The following GIT2 variants were observed in gnomAD, a reference collection of about 807,000 sequenced individuals.
The protein encoded by GIT2 is GIT ArfGAP 2, also known as ARF GTPase-activating protein GIT2.
In GIT2, 32 loss-of-function variants were observed where a neutral mutation model predicts 100.3. That is an observed-to-expected ratio of 0.32 (90% CI 0.24 to 0.43). The LOEUF (loss-of-function observed/expected upper bound fraction) is 0.43, where lower values mean the gene tolerates loss of function less well. GIT2 is among the 20% of genes least tolerant of loss of function. The probability of loss-of-function intolerance (pLI) is 1.00; values close to 1 mark genes in which losing one functional copy is unlikely to be tolerated. For missense variants in GIT2, 737 were observed against 975.1 expected, an observed-to-expected ratio of 0.76 and a Z score of 3.25; for synonymous variants, 353 against 364.1, an observed-to-expected ratio of 0.97 and a Z score of 0.35.
intron 18 of GIT2, among the ~76,000 whole-genome samples, chr12:109,936,638 CGG>C (rs1873077797): frequency 6.6e-6 from 1 of 152,080 alleles, no homozygotes; most frequent in Admixed American, 6.5e-5. Flanking sequence ...GAGGCTGAGG[CGG>C]GTAGATCACT....
In GIT2 at chr12:109,945,199, A is replaced by G. The variant is rs113275456; in HGVS notation, c.1731+61T>C. 1,121 of 822,284 alleles carry G rather than the reference A, an allele frequency of 1.4e-3. 6 individuals carry two copies. The African/African-American group carries it at 0.017, about 12-fold the overall frequency. 50.9% of individuals were successfully genotyped at this position (822,284 alleles called of 1,614,324 possible). ...GGGACAGGAGGGCCAGAGCCCAAGCACAAAGCGCCCAGGAGCACGGCCCCT... is the reference window on the plus strand; with the variant it reads ...GGGACAGGAGGGCCAGAGCCCAAGCGCAAAGCGCCCAGGAGCACGGCCCCT... On this transcript the variant is annotated intron_variant, in intron 16 of 19. Coordinates refer to ENST00000355312, the MANE Select transcript of GIT2 (RefSeq NM_057169.5).
At chr12:109,939,690 T>TAAATA (rs1874085289) in intron 16 of GIT2, 1 of 97,280 alleles carries the variant, frequency 1.0e-5, no homozygotes, top group Non-Finnish European at 1.8e-5. Flanking sequence ...ATAAAATAAA[T>TAAATA]AAATAAATAA....
intron 9 of GIT2, among the ~76,000 whole-genome samples, chr12:109,963,261 C>T (rs571817377): frequency 1.8e-4 from 28 of 152,216 alleles, no homozygotes; most frequent in Middle Eastern, 3.4e-3. Context: ...CAAATGTGGT[C>T]GCACTATAAT....
intron 9 of GIT2, among the ~76,000 whole-genome samples, chr12:109,964,620 G>GACACACACACACACACACACAC (rs58007337): frequency 3.4e-5 from 4 of 119,058 alleles, no homozygotes; most frequent in East Asian, 2.9e-4. Flanking sequence ...TTAATCTAAA[G>GACACACACACACACACACACAC]ACACACACAC....
In GIT2 at chr12:109,938,915, A is replaced by G. The variant is rs369928636; in HGVS notation, c.1814+250T>C. ...TGTTGTCTTCATGATGAAGTGGGGT[A>G]ATGACTTTAAACACACTACAGACAG... On this transcript the variant is annotated intron_variant, in intron 17 of 19. Transcript: ENST00000355312. The G allele has an allele frequency of 1.9e-4, 95 of 492,560 alleles. 1 individual carries two copies. The East Asian group carries it at 2.0e-3, about 10-fold the overall frequency. The allele number at this position is 492,560 out of a possible 1,614,324, so 30.5% of individuals were successfully genotyped here.
At chr12:109,965,671 T>G (rs1882156309) in intron 8 of GIT2, 94 bp from the exon 9 acceptor site, 2 of 860,148 alleles carry the variant, frequency 2.3e-6, no homozygotes, top group South Asian at 2.8e-5. Flanking sequence ...AAATATTAAT[T>G]ACAGTTCATG....
chr12:109,944,909 C>A (rs918202543), intron 16 of GIT2, among the ~76,000 whole-genome samples: 2 of 151,700 alleles, frequency 1.3e-5, no homozygotes, highest in Admixed American at 1.3e-4. Context: ...TAGCCCTGAA[C>A]AAATTGAACA....
At chr12:109,982,351 A>G (rs2136800457) in intron 6 of GIT2, 1 of 152,276 alleles carries the variant, frequency 6.6e-6, no homozygotes. Flanking sequence ...CCAATTATCT[A>G]TTTTGGCAAT....
At chr12:109,960,083 C>T (rs960961181) in intron 11 of GIT2, 125 bp from the exon 12 acceptor site, 5 of 671,554 alleles carry the variant, frequency 7.4e-6, no homozygotes, top group South Asian at 1.8e-5. Flanking sequence ...GATCAAAGTA[C>T]AATTAATCCC....
At chr12:109,967,350 G>C (rs1462094584) in intron 8 of GIT2, 108 bp downstream of exon 8, 1 of 1,590,508 alleles carries the variant, frequency 6.3e-7, no homozygotes, top group Admixed American at 1.7e-5. Context: ...CCATAAAAGA[G>C]AAAAATGTAT....
Position 109,947,031 on chromosome 12 carries a change from A to G in GIT2, c.1641+225T>C, listed in dbSNP as rs190857569. 6.6e-6 allele frequency among the ~76,000 whole-genome samples: 1 copy of G among 152,330 alleles called. No homozygotes were observed. The highest frequency in any genetic ancestry group is 1.5e-5 in the Non-Finnish European group (1 of 68,040). Reference sequence around the variant, plus strand: ...GGAGAAAAAAGCAGCAGTTCGGGCAAGAGCCAGAATCCCCAACTTGGTTAG... The same window carrying G: ...GGAGAAAAAAGCAGCAGTTCGGGCAGGAGCCAGAATCCCCAACTTGGTTAG... On this transcript the variant is annotated intron_variant, in intron 15 of 19. Transcript: ENST00000355312. The surrounding 1 kb of genome is among the most constrained non-coding windows in gnomAD (Gnocchi z 4.3).
rs1886994567 is a variant in GIT2, at chr12:109,984,675, G to A, written c.406-981C>T. On this transcript the variant is annotated intron_variant, in intron 4 of 19. Transcript: ENST00000355312. Reference sequence around the variant, plus strand: ...TTGCCCAGGCTGATCTCGAACTTACGAGCTGAAGTGATCCTCCCACCTCGG... The same window carrying A: ...TTGCCCAGGCTGATCTCGAACTTACAAGCTGAAGTGATCCTCCCACCTCGG... Among the ~76,000 whole-genome samples, 8 of 151,988 alleles carry A rather than the reference G, an allele frequency of 5.3e-5. No homozygotes were observed. The South Asian group carries it at 1.2e-3, about 24-fold the overall frequency.
rs1240693572 is a variant in GIT2, at chr12:109,932,951, AAC to A, written c.*25_*26del. Reference sequence around the variant, plus strand: ...AAATTGGACTTTATAAAGCCTAGAAAACAGAGGAGGCGGTGCCCTGCCCTTGT... The same window carrying A: ...AAATTGGACTTTATAAAGCCTAGAAAAGAGGAGGCGGTGCCCTGCCCTTGT... On this transcript the variant is annotated 3_prime_UTR_variant, in exon 20 of 20. Coordinates refer to ENST00000355312, the MANE Select transcript of GIT2 (RefSeq NM_057169.5). 5 of 1,323,874 alleles carry A rather than the reference AAC, an allele frequency of 3.8e-6. No homozygotes were observed. The highest frequency in any genetic ancestry group is 4.4e-6 in the Non-Finnish European group (4 of 916,440). The allele number at this position is 1,323,874 out of a possible 1,614,324, so 82.0% of individuals were successfully genotyped here.
At chr12:109,951,894 T>G (rs1877969056) in intron 13 of GIT2, among the ~76,000 whole-genome samples, 1 of 151,340 alleles carries the variant, frequency 6.6e-6, no homozygotes, top group African/African-American at 2.4e-5. Flanking sequence ...CCCCAGGAGG[T>G]GAGGGGATGA....
rs1886725292 is a variant in GIT2 at position 109,983,479 on chromosome 12, C to T, written c.517G>A (p.Val173Ile). 6.2e-7 allele frequency: 1 copy of T among 1,613,640 alleles called. No individual in the cohort carries two copies. The highest frequency in any genetic ancestry group is 1.7e-5 in the Admixed American group (1 of 59,982). Reference protein sequence around the residue: ...HPEKGNTPLHVASKAGQILQA... With the variant: ...HPEKGNTPLHIASKAGQILQA... ...AAAATCTGCCCTGCTTTGGAGGCAA[C>T]ATGGAGTGGGGTGTTTCCTTTTTCC... Residue 173 changes from valine to isoleucine, a missense_variant, in exon 6 of 20, where the codon GTT becomes ATT. Around this residue, in one of 3 missense-constraint regions of GIT2, gnomAD observed 266 missense variants for 376.2 expected, o/e 0.71. Transcript: ENST00000355312.
At chr12:109,996,406 C>G (rs1889443438), upstream of GIT2, 1 of 536,422 alleles carries the variant, frequency 1.9e-6, no homozygotes, top group Non-Finnish European at 3.3e-6. Flanking sequence ...CGGCGAGTGT[C>G]AGGTCATGTG....
At chr12:109,953,853 G>A (rs1878582234) in intron 12 of GIT2, 1 of 152,226 alleles carries the variant, frequency 6.6e-6, no homozygotes, top group Admixed American at 6.5e-5. Flanking sequence ...AGGTTCCCAA[G>A]TTTCTAGAGA....
rs1236311099 is a variant in GIT2 at position 109,948,688 on chromosome 12, C to T, written c.1393-1184G>A. The T allele has an allele frequency of 6.9e-7, 1 of 1,448,146 alleles. No individual in the cohort carries two copies. The highest frequency in any genetic ancestry group is 9.0e-7 in the Non-Finnish European group (1 of 1,106,754). 89.7% of individuals were successfully genotyped at this position (1,448,146 alleles called of 1,614,324 possible). On this transcript the variant is annotated intron_variant, in intron 14 of 19. Coordinates refer to ENST00000355312, the MANE Select transcript of GIT2 (RefSeq NM_057169.5). This position sits in a 1 kb window ranked among gnomAD's most constrained non-coding sequence, Gnocchi z 4.3. ...CCCCACCAGTGCCAAGGTTTAAGTC[C>T]ACAAGCAACTGTTTGCACCAGAAGA...
At position 109,931,324 on chromosome 12, in the gene GIT2, C is replaced by CA. The variant is rs1331904091; in HGVS notation, c.*1653dup. On this transcript the variant is annotated 3_prime_UTR_variant, in exon 20 of 20. Transcript: ENST00000355312. ...GGCCGGCTCCATTACGGGTAAGACT[C>CA]AGAGGCTGCTCCAGGTGTGTCCGGG... 2 of 152,448 alleles carry CA rather than the reference C, an allele frequency of 1.3e-5. No homozygotes were observed. Among genetic ancestry groups the CA allele is most frequent in the East Asian group, 1.9e-4 (1 of 5,186 alleles). 9.4% of individuals were successfully genotyped at this position (152,448 alleles called of 1,614,324 possible).
Sources: allele counts gnomAD v4.1 joint callset (sites outside exome capture counted in the v4.1 genomes callset), GRCh38; gene constraint gnomAD v4.1.1; regional missense constraint gnomAD v4.1.1; non-coding constraint Gnocchi (gnomAD v3.1); transcripts MANE v1.5; gene names NCBI Gene and HGNC (gene_info 2026-07-23, HGNC 2026-07-21).